The following SH3BP1 variants were observed in gnomAD, a reference collection of about 807,000 sequenced individuals.
The protein encoded by SH3BP1 is SH3 domain-binding protein 1.
SH3BP1 carries 46 observed loss-of-function variants against 69.8 expected under a neutral mutation model. That is an observed-to-expected ratio of 0.66 (90% confidence interval 0.52 to 0.84). The LOEUF is 0.84. SH3BP1 is among the 40% of genes least tolerant of loss of function. SH3BP1 has a pLI of 0.00. For missense variants in SH3BP1, 868 were observed against 930.9 expected (o/e 0.93, Z 0.88); for synonymous variants, 403 against 378.0 (o/e 1.07, Z -0.77).
rs747265172 is a variant in SH3BP1 at position 37,647,512 on chromosome 22, G to A, written c.1190G>A (p.Ser397Asn). ...AGCCGCCTACCCCCCGAGAACCTCAGCAACCTCAGGTGAGCCCGAGCCCGC... is the reference window on the plus strand; with the variant it reads ...AGCCGCCTACCCCCCGAGAACCTCAACAACCTCAGGTGAGCCCGAGCCCGC... Reference protein sequence around the residue: ...VCSRLPPENLSNLRYLMKFLA... With the variant: ...VCSRLPPENLNNLRYLMKFLA... The change falls in exon 13 of 18, where the codon AGC becomes AAC. Residue 397 changes from serine (S) to asparagine (N), a missense_variant. Transcript: ENST00000649765. 7.5e-6 allele frequency: 12 copies of A among 1,603,456 alleles called. No homozygotes were observed. The highest frequency in any genetic ancestry group is 1.0e-5 in the Non-Finnish European group (12 of 1,179,224).
Sources: allele counts gnomAD v4.1 joint callset, GRCh38; gene constraint gnomAD v4.1.1; transcripts MANE v1.5; gene names NCBI Gene and HGNC (gene_info 2026-07-23, HGNC 2026-07-21).